Variants in USP32 observed in about 807,000 individuals in gnomAD.
USP32 encodes ubiquitin specific peptidase 32, also known as ubiquitin carboxyl-terminal hydrolase 32.
Under a neutral mutation model 204.8 loss-of-function variants are expected in USP32, and 59 were observed. The ratio of observed to expected loss-of-function variants is 0.29; its 90% CI spans 0.23 to 0.36. The LOEUF is 0.36. USP32 is among the 10% of genes least tolerant of loss of function. The probability of loss-of-function intolerance (pLI) is 1.00; values close to 1 mark genes in which losing one functional copy is unlikely to be tolerated. For synonymous variants in USP32, 517 were observed against 678.4 expected, an observed-to-expected ratio of 0.76 and a Z score of 3.70; for missense variants, 1,160 against 1,946.4, an observed-to-expected ratio of 0.60 and a Z score of 7.60.
At chr17:60,327,778 C>T (rs1486514779) in intron 2 of USP32, among the ~76,000 whole-genome samples, 4 of 152,232 alleles carry the variant, frequency 2.6e-5, no homozygotes, top group African/African-American at 9.6e-5. Flanking sequence ...GCTGCCTGGC[C>T]TCTCCCGACT....
chr17:60,337,936 A>C (rs567325736), intron 2 of USP32, among the ~76,000 whole-genome samples: 1 of 152,290 alleles, frequency 6.6e-6, no homozygotes, highest in South Asian at 2.1e-4. Flanking sequence ...TGAATGGGCC[A>C]TTATCTAATA....
chr17:60,205,596 G>A lies in USP32; in HGVS notation c.3100C>T (p.Arg1034Ter), dbSNP rs2084804561. The A allele has an allele frequency of 1.2e-6, 2 of 1,613,820 alleles. No homozygotes were observed. Among genetic ancestry groups the A allele is most frequent in the Non-Finnish European group, 1.7e-6 (2 of 1,179,872 alleles). ...ATTCCATTGGGGATGAATATTGGTC[G>A]GGGTAGGTCCCCATTGGTAGTTAGG... ...FTLTTNGDLP[R>*]PIFIPNGMPN... Residue 1034 changes from arginine to a stop codon, truncating the protein, a stop_gained, in exon 26 of 34, where the codon CGA (arginine) becomes TGA (stop). Transcript: ENST00000300896. LOFTEE classifies it high-confidence loss of function.
upstream of USP32, among the ~76,000 whole-genome samples, chr17:60,393,333 T>C (rs760797502): frequency 2.6e-5 from 4 of 152,214 alleles, no homozygotes; most frequent in Non-Finnish European, 4.4e-5. Context: ...AAAGCAGGGA[T>C]GTGAACAGGT....
At chr17:60,338,866 C>T (rs944076272) in intron 2 of USP32, among the ~76,000 whole-genome samples, 8 of 152,106 alleles carry the variant, frequency 5.3e-5, no homozygotes, top group East Asian at 3.8e-4. Context: ...TACATGGTTA[C>T]GATTATAAGC....
chr17:60,298,287 T>G (rs1388242787), intron 3 of USP32, among the ~76,000 whole-genome samples: 2 of 152,224 alleles, frequency 1.3e-5, no homozygotes, highest in Admixed American at 6.5e-5. Flanking sequence ...TATTCTCCCT[T>G]GCACAGTACC....
At chr17:60,212,318 C>T (rs558792784) in intron 18 of USP32, among the ~76,000 whole-genome samples, 8 of 152,274 alleles carry the variant, frequency 5.3e-5, no homozygotes, top group African/African-American at 1.9e-4. Context: ...CTACACAAAC[C>T]TAGGCTATGT....
intron 11 of USP32, chr17:60,249,584 C>T: frequency 3.5e-6 from 2 of 574,984 alleles, no homozygotes; most frequent in South Asian, 4.5e-5. Context: ...TCCTGCTCTC[C>T]TTCAAATCAT....
At chr17:60,266,812 G>C (rs1476602137) in intron 7 of USP32, among the ~76,000 whole-genome samples, 2 of 151,970 alleles carry the variant, frequency 1.3e-5, no homozygotes, top group Admixed American at 1.3e-4. Flanking sequence ...GTGCCACCAT[G>C]CCTGGCTAAG....
At chr17:60,410,504 T>C (rs972046748) in intron 1 of USP32, among the ~76,000 whole-genome samples, 4 of 151,836 alleles carry the variant, frequency 2.6e-5, no homozygotes, top group South Asian at 2.1e-4. Context: ...CTGTCTCTAC[T>C]AAAAATACAA....
chr17:60,196,598 G>A (rs2084524347), intron 27 of USP32, among the ~76,000 whole-genome samples: 2 of 152,196 alleles, frequency 1.3e-5, no homozygotes, highest in African/African-American at 2.4e-5. Flanking sequence ...CCTGAGGCAG[G>A]CAGATCACTT....
chr17:60,340,743 T>G (rs1400932223), intron 2 of USP32, among the ~76,000 whole-genome samples: 2 of 152,234 alleles, frequency 1.3e-5, no homozygotes, highest in Non-Finnish European at 2.9e-5. Context: ...GCCCATTAAT[T>G]GATGCAGTTT....
intron 26 of USP32, among the ~76,000 whole-genome samples, chr17:60,204,764 T>C (rs1462485721): frequency 2.7e-5 from 4 of 149,854 alleles, no homozygotes; most frequent in Non-Finnish European, 3.0e-5. Context: ...CCACCGCACC[T>C]GGCCATTTTC....
At chr17:60,231,876 G>GT (rs1567787703) in intron 12 of USP32, among the ~76,000 whole-genome samples, 1 of 152,142 alleles carries the variant, frequency 6.6e-6, no homozygotes, top group African/African-American at 2.4e-5. Context: ...GGAAAGACTG[G>GT]TAAGATTCCA....
intron 1 of USP32, among the ~76,000 whole-genome samples, chr17:60,419,367 G>A (rs1179828209): frequency 6.6e-6 from 1 of 152,200 alleles, no homozygotes; most frequent in Non-Finnish European, 1.5e-5. Flanking sequence ...CTACCAGAGA[G>A]TGGAGGGTGG....
At chr17:60,201,374 T>C (rs535173313) in intron 26 of USP32, among the ~76,000 whole-genome samples, 1 of 152,304 alleles carries the variant, frequency 6.6e-6, no homozygotes, top group Non-Finnish European at 1.5e-5. Flanking sequence ...CTTGTACATA[T>C]CTCCTGGTAC....
intron 1 of USP32, among the ~76,000 whole-genome samples, chr17:60,408,508 G>A (rs2089995733): frequency 6.6e-6 from 1 of 152,012 alleles, no homozygotes; most frequent in African/African-American, 2.4e-5. Flanking sequence ...CTCCCAAGTA[G>A]CTGGGATTAT....
At chr17:60,180,708 C>T in intron 32 of USP32, 71 bp from the exon 33 acceptor site, 1 of 1,440,686 alleles carries the variant, frequency 6.9e-7, no homozygotes, top group Non-Finnish European at 9.8e-7. Flanking sequence ...GCACTAGGAT[C>T]TGAGCAGGAG....
At chr17:60,265,045 T>G (rs532486954) in intron 9 of USP32, among the ~76,000 whole-genome samples, 1 of 152,268 alleles carries the variant, frequency 6.6e-6, no homozygotes, top group South Asian at 2.1e-4. Flanking sequence ...CGACTTCATA[T>G]AAATGGAATC....
At chr17:60,292,890 T>C (rs2087321427) in intron 4 of USP32, among the ~76,000 whole-genome samples, 1 of 151,998 alleles carries the variant, frequency 6.6e-6, no homozygotes, top group Non-Finnish European at 1.5e-5. Flanking sequence ...TATAGGACAA[T>C]ATATAATCAT....
Sources: allele counts gnomAD v4.1 joint callset (sites outside exome capture counted in the v4.1 genomes callset), GRCh38; gene constraint gnomAD v4.1.1; transcripts MANE v1.5; gene names NCBI Gene and HGNC (gene_info 2026-07-23, HGNC 2026-07-21).